HECTD2: variants seen among roughly 807,000 people sequenced by gnomAD.
HECTD2 encodes the protein probable E3 ubiquitin-protein ligase HECTD2.
HECTD2 carries 35 observed loss-of-function variants against 103.2 expected under a neutral mutation model. The ratio of observed to expected loss-of-function variants is 0.34; its 90% confidence interval spans 0.26 to 0.45. The LOEUF is 0.45. HECTD2 is among the 20% of genes least tolerant of loss of function. The probability of loss-of-function intolerance (pLI) is 1.00; values close to 1 mark genes in which losing one functional copy is unlikely to be tolerated. For synonymous variants in HECTD2, 281 were observed against 329.9 expected, an observed-to-expected ratio of 0.85 and a Z score of 1.61; for missense variants, 596 against 937.4, an observed-to-expected ratio of 0.64 and a Z score of 4.76.
intron 1 of HECTD2, 58 bp downstream of exon 1, chr10:91,410,634 C>A: frequency 7.6e-7 from 1 of 1,310,872 alleles, no homozygotes; most frequent in Non-Finnish European, 9.7e-7. Flanking sequence ...GGAGGGACGG[C>A]GGCCGGGCGA....
intron 1 of HECTD2, among the ~76,000 whole-genome samples, chr10:91,418,304 T>C (rs1479667187): frequency 1.3e-5 from 2 of 152,238 alleles, no homozygotes; most frequent in African/African-American, 2.4e-5. Flanking sequence ...TATCTTTTCC[T>C]ATATTATAAA....
intron 2 of HECTD2, among the ~76,000 whole-genome samples, chr10:91,426,923 A>C (rs999595427): frequency 2.0e-5 from 3 of 150,684 alleles, no homozygotes; most frequent in African/African-American, 7.3e-5. Context: ...ATATGTATAC[A>C]TGTGCCATGC....
At position 91,512,983 on chromosome 10, in the gene HECTD2, T is replaced by C. The variant is rs1438650667; in HGVS notation, c.*599T>C. The C allele has an allele frequency of 1.3e-5, 2 of 152,706 alleles. No individual in the cohort carries two copies. Among genetic ancestry groups the C allele is most frequent in the Non-Finnish European group, 2.9e-5 (2 of 68,068 alleles). The allele number at this position is 152,706 out of a possible 1,614,324, so 9.5% of individuals were successfully genotyped here. ...AATGGGATTTTGATAGTGCCATTTA[T>C]TGTTAAAGATTTATTTTTACAAAGT... On this transcript the variant is annotated 3_prime_UTR_variant, in exon 21 of 21. Coordinates refer to ENST00000298068, the MANE Select transcript of HECTD2 (RefSeq NM_182765.6).
At chr10:91,479,468 CTT>C (rs1846017586) in intron 6 of HECTD2, among the ~76,000 whole-genome samples, 1 of 152,128 alleles carries the variant, frequency 6.6e-6, no homozygotes, top group Non-Finnish European at 1.5e-5. Flanking sequence ...TTTCATGTGA[CTT>C]TTAACTTAAT....
intron 15 of HECTD2, among the ~76,000 whole-genome samples, chr10:91,497,287 CTT>C (rs549997514): frequency 4.2e-5 from 5 of 118,850 alleles, no homozygotes; most frequent in African/African-American, 9.6e-5. Context: ...GAAAATGTTT[CTT>C]TTTTTTTTTT....
chr10:91,410,878 A>G lies in HECTD2; in HGVS notation c.138+302A>G, dbSNP rs142174452. Among the ~76,000 whole-genome samples the G allele has an allele frequency of 3.2e-3, 486 of 152,308 alleles. 3 individuals are homozygous for G. Among genetic ancestry groups the G allele is most frequent in the Middle Eastern group, 6.8e-3 (2 of 294 alleles). On this transcript the variant is annotated intron_variant, in intron 1 of 20. Coordinates refer to ENST00000298068, the MANE Select transcript of HECTD2 (RefSeq NM_182765.6). ...CACTTTCTCTAAGAGAATGACCTGCATCTTGAGTCGGCATGATCTGTTGGA... is the reference window on the plus strand; with the variant it reads ...CACTTTCTCTAAGAGAATGACCTGCGTCTTGAGTCGGCATGATCTGTTGGA...
intron 1 of HECTD2, among the ~76,000 whole-genome samples, chr10:91,411,823 C>T (rs1444743763): frequency 2.0e-5 from 3 of 152,158 alleles, no homozygotes; most frequent in African/African-American, 7.2e-5. Context: ...GCTTGGAGAC[C>T]TGGTTCCTGC....
intron 1 of HECTD2, 55 bp from the exon 2 acceptor site, chr10:91,425,226 A>C: frequency 7.7e-7 from 1 of 1,300,844 alleles, no homozygotes; most frequent in Non-Finnish European, 1.0e-6. Flanking sequence ...TTTTGCAATA[A>C]AATAATTTAT....
At chr10:91,504,018 C>A (rs1271959457) in intron 20 of HECTD2, among the ~76,000 whole-genome samples, 1 of 152,220 alleles carries the variant, frequency 6.6e-6, no homozygotes, top group South Asian at 2.1e-4. Context: ...CAGGGGCACA[C>A]TGACACCTCA....
At chr10:91,498,776 GGGGA>G in intron 16 of HECTD2, 92 bp from the exon 17 acceptor site, 2 of 676,590 alleles carry the variant, frequency 3.0e-6, no homozygotes, top group Non-Finnish European at 5.1e-6. Flanking sequence ...TAGAAGGAAG[GGGGA>G]AAAAAACTGT....
chr10:91,457,780 T>C (rs1485830657), intron 2 of HECTD2, among the ~76,000 whole-genome samples: 2 of 151,974 alleles, frequency 1.3e-5, no homozygotes, highest in Non-Finnish European at 2.9e-5. Flanking sequence ...TTATTCAACA[T>C]GGTAAGAATC....
intron 2 of HECTD2, among the ~76,000 whole-genome samples, chr10:91,449,330 G>A (rs949937533): frequency 7.2e-5 from 11 of 152,042 alleles, no homozygotes; most frequent in East Asian, 1.9e-4. Flanking sequence ...AAAAGGCCTC[G>A]ATAAAATTCA....
intron 1 of HECTD2, among the ~76,000 whole-genome samples, chr10:91,417,328 C>G (rs1483087840): frequency 1.3e-5 from 2 of 151,868 alleles, no homozygotes; most frequent in Non-Finnish European, 2.9e-5. Context: ...AATGAATGTG[C>G]CCTTTTTTTT....
Position 91,471,587 on chromosome 10 carries a change from C to G in HECTD2, c.601-6614C>G, listed in dbSNP as rs946771246. On this transcript the variant is annotated intron_variant, in intron 5 of 20. Transcript: ENST00000298068. ...CCCCAAACCCTCTGCCCAAAAGCTCCTAGACATGAAGAACAATTTCAGCAA... is the reference window on the plus strand; with the variant it reads ...CCCCAAACCCTCTGCCCAAAAGCTCGTAGACATGAAGAACAATTTCAGCAA... 2.0e-5 allele frequency among the ~76,000 whole-genome samples: 3 copies of G among 152,126 alleles called. 1 individual carries two copies. Among genetic ancestry groups the G allele is most frequent in the Non-Finnish European group, 4.4e-5 (3 of 68,008 alleles).
At chr10:91,462,477 A>T in intron 5 of HECTD2, 1 of 1,189,080 alleles carries the variant, frequency 8.4e-7, no homozygotes. Context: ...TTGGAATTAC[A>T]CTGAATCTGT....
chr10:91,472,513 G>GA (rs1295724226), intron 5 of HECTD2, among the ~76,000 whole-genome samples: 6 of 152,218 alleles, frequency 3.9e-5, no homozygotes, highest in Middle Eastern at 3.4e-3. Context: ...AACACAGTAA[G>GA]TAGACAACCT....
At chr10:91,503,550 G>A (rs1449428628) in intron 20 of HECTD2, among the ~76,000 whole-genome samples, 11 of 152,164 alleles carry the variant, frequency 7.2e-5, no homozygotes, top group East Asian at 1.9e-4. Flanking sequence ...ACTCCCACCC[G>A]AATACTGCGC....
At chr10:91,480,249 A>G (rs1564727857) in intron 6 of HECTD2, among the ~76,000 whole-genome samples, 1 of 152,162 alleles carries the variant, frequency 6.6e-6, no homozygotes, top group African/African-American at 2.4e-5. Context: ...TAATTTATGC[A>G]GGCATAAATG....
In HECTD2 at chr10:91,480,462, C is replaced by T. The variant is rs912313533; in HGVS notation, c.666-632C>T. Among the ~76,000 whole-genome samples the T allele has an allele frequency of 9.2e-5, 14 of 151,972 alleles. No individual in the cohort carries two copies. The South Asian group carries it at 2.9e-3, about 32-fold the overall frequency. ...TGCATCTGGTTGTCATAGAGGTGAACCATTTTCAATTGAAGAAGTTACTTC... is the reference window on the plus strand; with the variant it reads ...TGCATCTGGTTGTCATAGAGGTGAATCATTTTCAATTGAAGAAGTTACTTC... On this transcript the variant is annotated intron_variant, in intron 6 of 20. Coordinates refer to ENST00000298068, the MANE Select transcript of HECTD2 (RefSeq NM_182765.6).
Sources: gnomAD v4.1 joint callset for allele counts (sites outside exome capture counted in the v4.1 genomes callset) on GRCh38, gnomAD v4.1.1 for gene constraint, MANE v1.5 for transcripts, NCBI Gene and HGNC (gene_info 2026-07-23, HGNC 2026-07-21) for gene names.